The following RBFOX1 variants were observed in gnomAD, a reference collection of about 807,000 sequenced individuals.
The protein encoded by RBFOX1 is RNA binding fox-1 homolog 1.
In RBFOX1, 8 loss-of-function variants were observed where a neutral mutation model predicts 57.7. That is an observed-to-expected ratio of 0.14 (90% CI 0.08 to 0.25). The LOEUF (loss-of-function observed/expected upper bound fraction) is 0.25, where lower values mean the gene tolerates loss of function less well. RBFOX1 is among the 10% of genes least tolerant of loss of function. RBFOX1 has a pLI of 1.00. For synonymous variants in RBFOX1, 326 were observed against 222.4 expected (o/e 1.47, Z -4.15); for missense variants, 611 against 548.5 (o/e 1.11, Z -1.14).
intron 4 of RBFOX1, among the ~76,000 whole-genome samples, chr16:7,486,439 G>A (rs899667806): frequency 6.6e-6 from 1 of 152,010 alleles, no homozygotes; most frequent in South Asian, 2.1e-4. Flanking sequence ...ACCCGGCCTT[G>A]TGTCTTTTCT....
rs560511757 is a variant in RBFOX1, at chr16:7,543,956, T to C, written c.270+25567T>C. Among the ~76,000 whole-genome samples the C allele has an allele frequency of 6.6e-5, 10 of 152,286 alleles. 1 individual carries two copies. The South Asian group carries it at 1.9e-3, about 28-fold the overall frequency. On this transcript the variant is annotated intron_variant, in intron 5 of 15. Coordinates refer to ENST00000550418, the MANE Select transcript of RBFOX1 (RefSeq NM_018723.4). The stretch of plus-strand genomic sequence containing the variant: ...GGATGGTCTCGATCTCCTAACTTCA[T>C]GACCCACCTGCCTTGGTTTCCCAAA...
At chr16:6,474,816 T>C (rs1240857275) in intron 2 of RBFOX1, among the ~76,000 whole-genome samples, 2 of 152,198 alleles carry the variant, frequency 1.3e-5, no homozygotes, top group African/African-American at 2.4e-5. Flanking sequence ...TGCCCACTTT[T>C]TTGACTCATC....
intron 1 of RBFOX1, among the ~76,000 whole-genome samples, chr16:5,421,903 C>T (rs1051633022): frequency 3.3e-5 from 5 of 152,110 alleles, no homozygotes; most frequent in African/African-American, 1.2e-4. Flanking sequence ...AAAACCCAAA[C>T]TCAATATCAT....
chr16:6,403,867 A>G (rs2152957230), intron 2 of RBFOX1, among the ~76,000 whole-genome samples: 1 of 152,252 alleles, frequency 6.6e-6, no homozygotes, highest in East Asian at 1.9e-4. Context: ...GTCCAATGAG[A>G]TTATAAGGGT....
At chr16:6,134,705 TCTCA>T (rs1246075795) in intron 1 of RBFOX1, among the ~76,000 whole-genome samples, 1 of 150,174 alleles carries the variant, frequency 6.7e-6, no homozygotes, top group African/African-American at 2.5e-5. Flanking sequence ...TGAAATGGAG[TCTCA>T]CTCTGTCACC....
intron 5 of RBFOX1, among the ~76,000 whole-genome samples, chr16:7,525,377 T>TACAGTACA (rs2152308289): frequency 6.6e-6 from 1 of 152,284 alleles, no homozygotes; most frequent in African/African-American, 2.4e-5. Flanking sequence ...CTTGCACTGT[T>TACAGTACA]GATATTTACC....
At chr16:5,330,915 G>A (rs1364932550) in intron 1 of RBFOX1, among the ~76,000 whole-genome samples, 1 of 152,006 alleles carries the variant, frequency 6.6e-6, no homozygotes, top group African/African-American at 2.4e-5. Context: ...TGTTTGTTTT[G>A]TTTTTTCCCT....
chr16:5,968,451 C>G (rs1389540244), intron 4 of RBFOX1, among the ~76,000 whole-genome samples: 2 of 152,160 alleles, frequency 1.3e-5, no homozygotes, highest in African/African-American at 2.4e-5. Flanking sequence ...AGTTTATATC[C>G]TTTCTGTGTG....
chr16:7,379,797 C>T (rs1171920536), intron 4 of RBFOX1, among the ~76,000 whole-genome samples: 1 of 150,412 alleles, frequency 6.6e-6, no homozygotes, highest in African/African-American at 2.4e-5. Context: ...TGCCTGCCTC[C>T]CTGCCTGCCT....
chr16:7,225,724 G>A (rs868125005), intron 4 of RBFOX1, among the ~76,000 whole-genome samples: 154 of 125,358 alleles, frequency 1.2e-3, no homozygotes, highest in African/African-American at 4.7e-3. Flanking sequence ...AGAATATATT[G>A]TACTTTAAAA....
At chr16:7,687,741 A>G (rs1321991872) in intron 14 of RBFOX1, among the ~76,000 whole-genome samples, 1 of 152,098 alleles carries the variant, frequency 6.6e-6, no homozygotes, top group Non-Finnish European at 1.5e-5. Context: ...TAGTATAATT[A>G]GCAATTAAAA....
At chr16:5,544,142 C>G (rs533293890) in intron 2 of RBFOX1, among the ~76,000 whole-genome samples, 16 of 152,244 alleles carry the variant, frequency 1.1e-4, no homozygotes, top group Admixed American at 3.3e-4. Context: ...GAGCATTTAC[C>G]CAAATTTTAT....
intron 2 of RBFOX1, among the ~76,000 whole-genome samples, chr16:5,482,922 TAG>T (rs1255082722): frequency 6.6e-6 from 1 of 152,260 alleles, no homozygotes; most frequent in Admixed American, 6.5e-5. Context: ...CCTTATTCTT[TAG>T]AGACTCTAAG....
intron 2 of RBFOX1, among the ~76,000 whole-genome samples, chr16:6,357,284 G>T (rs1252010200): frequency 3.9e-5 from 6 of 152,190 alleles, no homozygotes; most frequent in East Asian, 3.9e-4. Context: ...TGGTGCATGT[G>T]GGGGTGGTGA....
chr16:7,510,503 GTGTGTGT>G (rs2074752015), intron 4 of RBFOX1, among the ~76,000 whole-genome samples: 2 of 151,172 alleles, frequency 1.3e-5, no homozygotes, highest in Non-Finnish European at 3.0e-5. Context: ...GTGTGTGTGT[GTGTGTGT>G]GGGCGCGCGC....
intron 1 of RBFOX1, among the ~76,000 whole-genome samples, chr16:5,403,437 ATGTTTC>A (rs909933352): frequency 6.6e-6 from 1 of 150,728 alleles, no homozygotes; most frequent in Admixed American, 6.6e-5. Flanking sequence ...ATATGCTCTG[ATGTTTC>A]TGTTTCTGTT....
chr16:6,030,778 C>T (rs539842679), intron 1 of RBFOX1, among the ~76,000 whole-genome samples: 3 of 152,136 alleles, frequency 2.0e-5, no homozygotes, highest in Admixed American at 6.5e-5. Flanking sequence ...CTTATTTTCT[C>T]CTTTTAAAAA....
chr16:6,473,604 T>C (rs1167475848), intron 2 of RBFOX1, among the ~76,000 whole-genome samples: 1 of 151,272 alleles, frequency 6.6e-6, no homozygotes. Context: ...ATTGAAGAAA[T>C]AAAGACCAAC....
At chr16:5,727,369 CAAAT>C (rs1373765439) in intron 3 of RBFOX1, among the ~76,000 whole-genome samples, 2 of 152,106 alleles carry the variant, frequency 1.3e-5, no homozygotes, top group East Asian at 1.9e-4. Flanking sequence ...TAATGACTGA[CAAAT>C]AAAAATTGTA....
Sources: gnomAD v4.1 joint callset for allele counts (sites outside exome capture counted in the v4.1 genomes callset) on GRCh38, gnomAD v4.1.1 for gene constraint, MANE v1.5 for transcripts, NCBI Gene and HGNC (gene_info 2026-07-23, HGNC 2026-07-21) for gene names.